PKD1L1: variants seen among roughly 807,000 people sequenced by gnomAD.
PKD1L1 encodes polycystin 1 like 1, transient receptor potential channel interacting.
Under a neutral mutation model 323.4 loss-of-function variants are expected in PKD1L1, and 236 were observed. The observed-to-expected ratio is 0.73, with a 90% confidence interval of 0.66 to 0.81. The LOEUF is 0.81. PKD1L1 is among the 40% of genes least tolerant of loss of function. PKD1L1 has a pLI of 0.00. For missense variants in PKD1L1, 3,320 were observed against 3,508.0 expected, an observed-to-expected ratio of 0.95 and a Z score of 1.35; for synonymous variants, 1,344 against 1,335.0, an observed-to-expected ratio of 1.01 and a Z score of -0.15.
chr7:47,818,307 C>A (rs1470462241), intron 46 of PKD1L1: 2 of 793,778 alleles, frequency 2.5e-6, no homozygotes, highest in Non-Finnish European at 1.7e-6. Flanking sequence ...CAAAGGATGG[C>A]TGGAGGTGAA....
At chr7:47,818,198 G>A (rs916156686) in intron 46 of PKD1L1, 4 of 1,364,158 alleles carry the variant, frequency 2.9e-6, no homozygotes, top group African/African-American at 1.5e-5. Context: ...GGCATAAGGT[G>A]AGCAGATACA....
In PKD1L1 at chr7:47,873,515, C is replaced by T. The variant is rs1285603755; in HGVS notation, c.3896+384G>A. Among the ~76,000 whole-genome samples the T allele has an allele frequency of 2.6e-5, 4 of 151,760 alleles. No homozygotes were observed. In the East Asian group the frequency reaches 5.8e-4, roughly 22 times the overall value. The stretch of plus-strand genomic sequence containing the variant: ...TACAAAAATTAGTCAGGCTTGGTGG[C>T]GCACACCTGTAATCCCAGCTACTCA... On this transcript the variant is annotated intron_variant, in intron 24 of 56. Coordinates refer to ENST00000289672, the MANE Select transcript of PKD1L1 (RefSeq NM_138295.5).
intron 32 of PKD1L1, among the ~76,000 whole-genome samples, 199 bp downstream of exon 32, chr7:47,846,680 C>G (rs1785671243): frequency 6.6e-6 from 1 of 152,162 alleles, no homozygotes; most frequent in Non-Finnish European, 1.5e-5. Flanking sequence ...TCCTTGGGAG[C>G]CCATAGAGTG....
Position 47,905,143 on chromosome 7 carries a change from C to A in PKD1L1, c.1691+14G>T, listed in dbSNP as rs1275512278. On this transcript the variant is annotated intron_variant, in intron 11 of 56. Coordinates refer to ENST00000289672, the MANE Select transcript of PKD1L1 (RefSeq NM_138295.5). Reference sequence around the variant, plus strand: ...TACAAACAGCTACTCAGCAGGACTGCTACTTTTACTGACCATTGGGGGATG... The same window carrying A: ...TACAAACAGCTACTCAGCAGGACTGATACTTTTACTGACCATTGGGGGATG... 1 of 1,611,322 alleles carries A rather than the reference C, an allele frequency of 6.2e-7. No individual in the cohort carries two copies. Among genetic ancestry groups the A allele is most frequent in the African/African-American group, 1.3e-5 (1 of 74,806 alleles).
intron 8 of PKD1L1, among the ~76,000 whole-genome samples, chr7:47,913,051 G>A (rs1281542180): frequency 2.0e-5 from 3 of 152,016 alleles, no homozygotes; most frequent in African/African-American, 4.8e-5. Context: ...CCAGTCTCAG[G>A]TGGTCATGAT....
intron 15 of PKD1L1, among the ~76,000 whole-genome samples, chr7:47,893,229 CAAAA>C (rs529686945): frequency 1.9e-5 from 1 of 53,022 alleles, no homozygotes; most frequent in African/African-American, 5.7e-5. Flanking sequence ...GACCCTATCT[CAAAA>C]AAAAAAAAAA....
chr7:47,901,951 G>C (rs2128750583), intron 13 of PKD1L1, among the ~76,000 whole-genome samples: 1 of 151,650 alleles, frequency 6.6e-6, no homozygotes, highest in South Asian at 2.1e-4. Context: ...CTTTCATTTT[G>C]GTGTTACATA....
intron 56 of PKD1L1, among the ~76,000 whole-genome samples, chr7:47,778,557 A>T (rs1343145179): frequency 1.3e-5 from 2 of 152,188 alleles, no homozygotes; most frequent in Admixed American, 6.5e-5. Flanking sequence ...CTTACAAACA[A>T]TAATGCACCT....
intron 16 of PKD1L1, among the ~76,000 whole-genome samples, chr7:47,889,723 C>A (rs1217076774): frequency 1.3e-5 from 2 of 152,206 alleles, no homozygotes; most frequent in African/African-American, 2.4e-5. Context: ...CTTGCCCCTA[C>A]CATCCATGAT....
the PKD1L1 span, among the ~76,000 whole-genome samples, chr7:47,953,972 C>T: frequency 6.6e-6 from 1 of 152,214 alleles, no homozygotes. Flanking sequence ...AGAATTTTCT[C>T]TCAGCAAGGA....
chr7:47,880,278 A>ATTTTTT (rs1562970489), intron 21 of PKD1L1, among the ~76,000 whole-genome samples: 4 of 73,630 alleles, frequency 5.4e-5, no homozygotes, highest in African/African-American at 2.9e-4. Context: ...ATATATATAT[A>ATTTTTT]TATATATTTT....
intron 4 of PKD1L1, among the ~76,000 whole-genome samples, chr7:47,934,499 T>G (rs1481516789): frequency 6.6e-6 from 1 of 152,222 alleles, no homozygotes; most frequent in East Asian, 1.9e-4. Context: ...TGACATATTT[T>G]TAGTCCATTC....
chr7:47,856,496 A>G lies in PKD1L1; in HGVS notation c.4590+1109T>C, dbSNP rs74384970. ...TTGTTTTGAGCAAATAAATACGACA[A>G]GACATCTTGTTCTGAACAAATCTTT... is the stretch of plus-strand genomic sequence containing the variant. On this transcript the variant is annotated intron_variant, in intron 28 of 56. Transcript: ENST00000289672. Among the ~76,000 whole-genome samples the G allele has an allele frequency of 1.6e-4, 25 of 152,334 alleles. No individual in the cohort carries two copies. The East Asian group carries it at 4.8e-3, about 29-fold the overall frequency.
intron 56 of PKD1L1, among the ~76,000 whole-genome samples, chr7:47,775,520 T>C (rs1348813516): frequency 6.6e-6 from 1 of 152,142 alleles, no homozygotes; most frequent in East Asian, 1.9e-4. Flanking sequence ...CTAAATAATA[T>C]ACTTCCAAAT....
the PKD1L1 span, among the ~76,000 whole-genome samples, chr7:47,957,862 A>ATATATATATATATATAT: frequency 2.3e-3 from 309 of 134,682 alleles, 3 homozygotes; most frequent in Non-Finnish European, 3.5e-3. Flanking sequence ...ATTAAAAAAA[A>ATATATATATATATATAT]ATATATATAT....
rs75976776 is a variant in PKD1L1 at position 47,874,078 on chromosome 7, C to T, written c.3785-68G>A. On this transcript the variant is annotated intron_variant, in intron 23 of 56. Transcript: ENST00000289672. The stretch of plus-strand genomic sequence containing the variant: ...GGTTACAGAGATGCTTCTTCACACA[C>T]AGACAGCATCTTCTGGATGACTAAA... 0.039 allele frequency: 37,396 copies of T among 948,586 alleles called. 1,075 individuals carry two copies. The highest frequency in any genetic ancestry group is 0.043 in the Non-Finnish European group (26,419 of 610,404). 58.8% of individuals were successfully genotyped at this position (948,586 alleles called of 1,614,324 possible).
chr7:47,833,381 G>A (rs1785389888), intron 40 of PKD1L1, 129 bp from the exon 41 acceptor site: 10 of 1,028,324 alleles, frequency 9.7e-6, no homozygotes, highest in Non-Finnish European at 1.4e-5. Flanking sequence ...TGGTGCTGAG[G>A]CCTCTAAAGA....
At chr7:47,881,533 C>T (rs1297807838) in intron 20 of PKD1L1, among the ~76,000 whole-genome samples, 1 of 152,268 alleles carries the variant, frequency 6.6e-6, no homozygotes, top group East Asian at 1.9e-4. Context: ...TGGGAAATTC[C>T]ATTAGAAATT....
chr7:47,796,830 C>CAAAAAAA (rs71006525), intron 54 of PKD1L1, among the ~76,000 whole-genome samples: 3 of 133,630 alleles, frequency 2.2e-5, no homozygotes, highest in Non-Finnish European at 4.7e-5. Flanking sequence ...TCCTAAATTA[C>CAAAAAAA]AAAAAAAAAA....
Sources: gnomAD v4.1 joint callset for allele counts (sites outside exome capture counted in the v4.1 genomes callset) on GRCh38, gnomAD v4.1.1 for gene constraint, MANE v1.5 for transcripts, NCBI Gene and HGNC (gene_info 2026-07-23, HGNC 2026-07-21) for gene names.